Variants in SPATA16 observed in about 807,000 individuals in gnomAD.
SPATA16 encodes the protein spermatogenesis associated 16.
SPATA16 carries 36 observed loss-of-function variants against 63.3 expected under a neutral mutation model. The ratio of observed to expected loss-of-function variants is 0.57; its 90% CI spans 0.44 to 0.75. SPATA16 has a LOEUF of 0.75. SPATA16 is among the 30% of genes least tolerant of loss of function. SPATA16 has a pLI of 0.00. For missense variants in SPATA16, 646 were observed against 679.3 expected (o/e 0.95, Z 0.54); for synonymous variants, 203 against 216.7 (o/e 0.94, Z 0.56).
Position 173,093,843 on chromosome 3 carries a change from G to A in SPATA16, c.612+23277C>T, listed in dbSNP as rs1403866652. Among the ~76,000 whole-genome samples the A allele has an allele frequency of 2.6e-5, 4 of 151,584 alleles. No homozygotes were observed. The East Asian group carries it at 7.8e-4, about 30-fold the overall frequency. ...ATAAAAAGACTATTTCTTCTTATGG[G>A]TCAGTATTCCTGTAAATGAGTAAAT... On this transcript the variant is annotated intron_variant, in intron 2 of 10. Coordinates refer to ENST00000351008, the MANE Select transcript of SPATA16 (RefSeq NM_031955.6).
rs1194166217 is a variant in SPATA16 at position 172,889,590 on chromosome 3, G to C, written c.1690C>G (p.Gln564Glu). Reference protein sequence around the residue: ...RRQKTKMKRLQTVQQR With the variant: ...RRQKTKMKRLETVQQR ...AATGACTACCTTTGCTGAACAGTTT[G>C]AAGTCGCTTCATTTTTGTTTTTTGC... is the stretch of plus-strand genomic sequence containing the variant. Residue 564 changes from glutamine (Q) to glutamate (E), a missense_variant, in exon 11 of 11, where the codon CAA becomes GAA. Transcript: ENST00000351008. 1 of 1,613,766 alleles carries C rather than the reference G, an allele frequency of 6.2e-7. No individual in the cohort carries two copies. The highest frequency in any genetic ancestry group is 1.7e-5 in the Admixed American group (1 of 60,020).
At chr3:172,973,841 T>C (rs1424568739) in intron 5 of SPATA16, among the ~76,000 whole-genome samples, 1 of 152,200 alleles carries the variant, frequency 6.6e-6, no homozygotes, top group Admixed American at 6.6e-5. Context: ...TGGTGAGGTC[T>C]CCAGGTGTTC....
intron 2 of SPATA16, among the ~76,000 whole-genome samples, chr3:173,092,655 C>T (rs1291674869): frequency 6.6e-6 from 1 of 152,004 alleles, no homozygotes; most frequent in Non-Finnish European, 1.5e-5. Flanking sequence ...TAGAGTCTAC[C>T]CAAGGAATTT....
intron 2 of SPATA16, among the ~76,000 whole-genome samples, chr3:173,058,653 A>G (rs551815089): frequency 6.6e-6 from 1 of 152,212 alleles, no homozygotes; most frequent in Admixed American, 6.5e-5. Context: ...TTACTAGCTC[A>G]GTCTCCTGTG....
intron 5 of SPATA16, 122 bp downstream of exon 5, chr3:172,976,846 C>G: frequency 2.6e-6 from 2 of 778,182 alleles, no homozygotes; most frequent in Non-Finnish European, 4.5e-6. Context: ...TTATTCAGTA[C>G]CTTCTTTCTG....
At chr3:173,103,942 C>A (rs927405965) in intron 2 of SPATA16, among the ~76,000 whole-genome samples, 23 of 152,310 alleles carry the variant, frequency 1.5e-4, no homozygotes, top group African/African-American at 5.5e-4. Context: ...TCTGCTCCTG[C>A]ATCTGACTAC....
At chr3:173,133,263 G>C (rs1053117908) in intron 1 of SPATA16, among the ~76,000 whole-genome samples, 2 of 152,172 alleles carry the variant, frequency 1.3e-5, no homozygotes, top group Non-Finnish European at 2.9e-5. Flanking sequence ...TCTGCCAATA[G>C]AGGGTACTGG....
rs573432131 is a variant in SPATA16 at position 172,973,144 on chromosome 3, A to G, written c.933+3824T>C. Among the ~76,000 whole-genome samples the G allele has an allele frequency of 9.8e-5, 15 of 152,318 alleles. No individual in the cohort carries two copies. In the South Asian group the frequency reaches 2.9e-3, roughly 29 times the overall value. On this transcript the variant is annotated intron_variant, in intron 5 of 10. Coordinates refer to ENST00000351008, the MANE Select transcript of SPATA16 (RefSeq NM_031955.6). ...TTCAATTCCTTGATCTAGAAAAGCT[A>G]CAAAAGACTTTTCACAAGAGTGAGA...
chr3:173,019,664 AT>A, intron 3 of SPATA16, 89 bp from the exon 4 acceptor site: 2 of 1,183,768 alleles, frequency 1.7e-6, no homozygotes, highest in Non-Finnish European at 2.5e-6. Context: ...CAGGCATTCA[AT>A]TTTATATACT....
chr3:173,076,358 C>T (rs989622739), intron 2 of SPATA16, among the ~76,000 whole-genome samples: 19 of 151,806 alleles, frequency 1.3e-4, no homozygotes, highest in African/African-American at 4.4e-4. Context: ...ATTTAATCCA[C>T]GCCGTTACAC....
intron 2 of SPATA16, among the ~76,000 whole-genome samples, chr3:173,083,842 G>GTATTTA (rs1736981491): frequency 6.6e-6 from 1 of 152,126 alleles, no homozygotes; most frequent in Non-Finnish European, 1.5e-5. Context: ...CGACTGCATA[G>GTATTTA]TATTCCATCA....
At chr3:173,041,658 C>T (rs1054506654) in intron 3 of SPATA16, among the ~76,000 whole-genome samples, 6 of 151,944 alleles carry the variant, frequency 3.9e-5, no homozygotes, top group Non-Finnish European at 8.8e-5. Flanking sequence ...TATTATTTTA[C>T]TATAGTATTG....
At chr3:173,009,922 C>T (rs9881182) in intron 4 of SPATA16, among the ~76,000 whole-genome samples, 6,148 of 152,262 alleles carry the variant, frequency 0.04, 414 homozygotes, top group African/African-American at 0.14. Flanking sequence ...AGACGTTTCC[C>T]TTTGGTTTAC....
intron 4 of SPATA16, among the ~76,000 whole-genome samples, chr3:172,994,393 G>A (rs889776910): frequency 1.3e-5 from 2 of 152,132 alleles, no homozygotes; most frequent in Non-Finnish European, 2.9e-5. Context: ...AGAAACCAGG[G>A]CAGATAGGTC....
At chr3:173,031,036 TGGGGACAGGAAGCAGAATGGTGATTGCCA>T (rs1735592124) in intron 3 of SPATA16, among the ~76,000 whole-genome samples, 2 of 151,994 alleles carry the variant, frequency 1.3e-5, no homozygotes, top group African/African-American at 2.4e-5. Flanking sequence ...GTCAAATTTA[TGGGGACAGGAAGCAGAATGGTGATTGCCA>T]GGGGACAGGA....
intron 5 of SPATA16, among the ~76,000 whole-genome samples, chr3:172,958,050 C>T (rs1010065230): frequency 6.6e-6 from 1 of 152,178 alleles, no homozygotes; most frequent in South Asian, 2.1e-4. Flanking sequence ...ATTCAACAAA[C>T]TATTGGATAA....
chr3:173,053,984 T>C (rs1736157989), intron 2 of SPATA16, among the ~76,000 whole-genome samples: 1 of 137,080 alleles, frequency 7.3e-6, no homozygotes, highest in Non-Finnish European at 1.6e-5. Context: ...TAATAGAAGA[T>C]ATATCAACAT....
chr3:173,035,401 T>C (rs1406415096), intron 3 of SPATA16, among the ~76,000 whole-genome samples: 1 of 152,010 alleles, frequency 6.6e-6, no homozygotes, highest in Non-Finnish European at 1.5e-5. Context: ...GGAAGGAAGG[T>C]AGAAAATTCA....
At chr3:173,116,485 G>A (rs9841012) in intron 2 of SPATA16, among the ~76,000 whole-genome samples, 12,313 of 152,180 alleles carry the variant, frequency 0.081, 1,667 homozygotes, top group African/African-American at 0.28. Context: ...TAGTGATTCT[G>A]AAGTTTATTT....
Sources: allele counts gnomAD v4.1 joint callset (sites outside exome capture counted in the v4.1 genomes callset), GRCh38; gene constraint gnomAD v4.1.1; transcripts MANE v1.5; gene names NCBI Gene and HGNC (gene_info 2026-07-23, HGNC 2026-07-21).